Variants in EIF4ENIF1 observed in about 807,000 individuals in gnomAD.
EIF4ENIF1 encodes eukaryotic translation initiation factor 4E transporter.
EIF4ENIF1 carries 23 observed loss-of-function variants against 110.5 expected under a neutral mutation model. The observed-to-expected ratio is 0.21, with a 90% CI of 0.15 to 0.29. The LOEUF is 0.29. Among genes scored for constraint, EIF4ENIF1 ranks in the 10% least tolerant of loss-of-function variants. The pLI is 1.00. For synonymous variants in EIF4ENIF1, 440 were observed against 437.0 expected (o/e 1.01, Z -0.09); for missense variants, 1,031 against 1,221.1 (o/e 0.84, Z 2.32).
chr22:31,471,613 C>A (rs566075340), intron 3 of EIF4ENIF1, among the ~76,000 whole-genome samples: 1 of 152,192 alleles, frequency 6.6e-6, no homozygotes, highest in Non-Finnish European at 1.5e-5. Flanking sequence ...CATGCCCTGT[C>A]GGGTTCAAGT....
intron 7 of EIF4ENIF1, among the ~76,000 whole-genome samples, chr22:31,456,400 T>A (rs2050822606): frequency 1.3e-5 from 2 of 151,886 alleles, no homozygotes; most frequent in African/African-American, 2.4e-5. Flanking sequence ...ATTTTTTGTA[T>A]TTTTAGTAGA....
chr22:31,455,409 T>C (rs1348960731), intron 8 of EIF4ENIF1, 94 bp from the exon 9 acceptor site: 14 of 1,154,140 alleles, frequency 1.2e-5, no homozygotes, highest in African/African-American at 1.6e-5. Context: ...TTTTTTTTTT[T>C]TTTCTTTGAG....
chr22:31,469,105 G>C (rs1432683586), intron 3 of EIF4ENIF1, among the ~76,000 whole-genome samples: 1 of 152,144 alleles, frequency 6.6e-6, no homozygotes, highest in Admixed American at 6.5e-5. Flanking sequence ...GTGTAGTTTA[G>C]GTTTTATTTT....
In EIF4ENIF1 at chr22:31,463,650, TTA is replaced by T; in HGVS notation, c.585+29_585+30del. The T allele has an allele frequency of 7.4e-6, 10 of 1,343,636 alleles. No homozygotes were observed. The African/African-American group carries it at 1.2e-4, about 17-fold the overall frequency. The allele number at this position is 1,343,636 out of a possible 1,614,324, so 83.2% of individuals were successfully genotyped here. On this transcript the variant is annotated intron_variant, in intron 5 of 18. Transcript: ENST00000330125. ...AACAAGAGCGAAACTCCGTCTCAAT[TTA>T]AAAAAAAAAAAAAAAAAAAAAGACA...
At chr22:31,448,681 C>T (rs968826283) in intron 12 of EIF4ENIF1, among the ~76,000 whole-genome samples, 8 of 152,232 alleles carry the variant, frequency 5.3e-5, no homozygotes, top group African/African-American at 1.9e-4. Context: ...ATAGCAGGAA[C>T]ACTACGACAT....
intron 4 of EIF4ENIF1, among the ~76,000 whole-genome samples, chr22:31,465,647 A>G (rs2051160420): frequency 6.6e-6 from 1 of 152,232 alleles, no homozygotes; most frequent in East Asian, 1.9e-4. Flanking sequence ...CATCTGCTAT[A>G]CAACCCAGCC....
chr22:31,486,284 T>A (rs11089510), intron 2 of EIF4ENIF1, among the ~76,000 whole-genome samples: 6 of 150,340 alleles, frequency 4.0e-5, no homozygotes, highest in South Asian at 2.1e-4. Context: ...AAAAAAAAAA[T>A]AAAAATAAAA....
chr22:31,486,910 G>A (rs1360083062), intron 2 of EIF4ENIF1, among the ~76,000 whole-genome samples: 1 of 128,012 alleles, frequency 7.8e-6, no homozygotes, highest in Non-Finnish European at 1.6e-5. Flanking sequence ...GAGAAACCCC[G>A]TCTCTACTAT....
chr22:31,490,242 C>T (rs1280515664), upstream of EIF4ENIF1, among the ~76,000 whole-genome samples: 1 of 152,238 alleles, frequency 6.6e-6, no homozygotes, highest in Non-Finnish European at 1.5e-5. Flanking sequence ...GCGGCTAGCA[C>T]GGCCTGTGGC....
In EIF4ENIF1 at chr22:31,441,859, A is replaced by AG; in HGVS notation, c.2465dup (p.Ala823CysfsTer59). On this transcript the variant is annotated frameshift_variant, in exon 17 of 19. Transcript: ENST00000330125. LOFTEE classifies it high-confidence loss of function. ...CCAACCCTGGGTGAAGCTGGTGAGC[A>AG]GGCCTAACCATAGGGACATGGGGGA... is the stretch of plus-strand genomic sequence containing the variant. The AG allele has an allele frequency of 6.2e-7, 1 of 1,614,180 alleles. No homozygotes were observed. The highest frequency in any genetic ancestry group is 8.5e-7 in the Non-Finnish European group (1 of 1,180,032).
chr22:31,439,780 G>A lies in EIF4ENIF1; in HGVS notation c.*100C>T. The A allele has an allele frequency of 6.6e-7, 1 of 1,508,616 alleles. No individual in the cohort carries two copies. Among genetic ancestry groups the A allele is most frequent in the Non-Finnish European group, 8.8e-7 (1 of 1,131,344 alleles). The allele number at this position is 1,508,616 out of a possible 1,614,324, so 93.5% of individuals were successfully genotyped here. A position where few individuals can be genotyped will look rare whatever the true frequency, so the allele number is the denominator to read the frequency against. On this transcript the variant is annotated 3_prime_UTR_variant, in exon 19 of 19. Coordinates refer to ENST00000330125, the MANE Select transcript of EIF4ENIF1 (RefSeq NM_019843.4). ...GTTCCACCAAACAGCTTCACACAGA[G>A]TGCTCCAAAGTAAAAGCCCATAAAC...
chr22:31,470,507 C>T (rs987663073), intron 3 of EIF4ENIF1, among the ~76,000 whole-genome samples: 7 of 152,058 alleles, frequency 4.6e-5, no homozygotes, highest in African/African-American at 1.7e-4. Context: ...TCTCAAACCC[C>T]TGACCTTGTG....
chr22:31,490,377 T>G (rs2052232612), upstream of EIF4ENIF1, among the ~76,000 whole-genome samples: 1 of 152,194 alleles, frequency 6.6e-6, no homozygotes, highest in Non-Finnish European at 1.5e-5. Flanking sequence ...CCTCAGCTGT[T>G]TTGCGAGTGG....
At chr22:31,490,119 G>A (rs868065379), upstream of EIF4ENIF1, among the ~76,000 whole-genome samples, 15 of 152,334 alleles carry the variant, frequency 9.8e-5, no homozygotes, top group African/African-American at 3.4e-4. Context: ...CAGCCCAGAG[G>A]CCACCGCCGC....
At chr22:31,487,070 CA>C (rs34019421) in intron 2 of EIF4ENIF1, among the ~76,000 whole-genome samples, 29,116 of 145,750 alleles carry the variant, frequency 0.2, 3,711 homozygotes, top group Non-Finnish European at 0.29. Context: ...AACTCCATCT[CA>C]AAAAAAAAAA....
At position 31,454,285 on chromosome 22, in the gene EIF4ENIF1, G is replaced by A; in HGVS notation, c.1371C>T (p.Phe457=). 6.2e-7 allele frequency: 1 copy of A among 1,614,124 alleles called. No individual in the cohort carries two copies. Among genetic ancestry groups the A allele is most frequent in the African/African-American group, 1.3e-5 (1 of 75,014 alleles). Residue 457 remains phenylalanine (F), a synonymous_variant, in exon 10 of 19, where the codon TTC becomes TTT. Coordinates refer to ENST00000330125, the MANE Select transcript of EIF4ENIF1 (RefSeq NM_019843.4). ...VDQQVKNSTP[F]MAEHLEETLS... ...AGGTCTCTTCTAGGTGTTCTGCCAT[G>A]AAGGGAGTTGAATTCTTCACTTGCT...
intron 15 of EIF4ENIF1, among the ~76,000 whole-genome samples, chr22:31,443,697 C>T (rs1325353805): frequency 6.6e-6 from 1 of 152,108 alleles, no homozygotes; most frequent in African/African-American, 2.4e-5. Flanking sequence ...TTCAAGGTCA[C>T]CGGTGCAAAG....
intron 10 of EIF4ENIF1, chr22:31,450,753 CACAT>C (rs2050623764): frequency 2.3e-5 from 6 of 265,718 alleles, no homozygotes; most frequent in East Asian, 9.2e-5. Flanking sequence ...CATATATACA[CACAT>C]ACATATATAC....
At chr22:31,456,424 C>CGT (rs1179677786) in intron 7 of EIF4ENIF1, among the ~76,000 whole-genome samples, 1 of 151,766 alleles carries the variant, frequency 6.6e-6, no homozygotes, top group Admixed American at 6.6e-5. Flanking sequence ...GGGGTTTTAC[C>CGT]GTGTTAGCCA....
Sources: allele counts gnomAD v4.1 joint callset (sites outside exome capture counted in the v4.1 genomes callset), GRCh38; gene constraint gnomAD v4.1.1; transcripts MANE v1.5; gene names NCBI Gene and HGNC (gene_info 2026-07-23, HGNC 2026-07-21).